The following RNF19B variants were observed in gnomAD, a reference collection of about 807,000 sequenced individuals.
RNF19B encodes the protein ring finger protein 19B, also known as E3 ubiquitin-protein ligase RNF19B.
In RNF19B, 23 loss-of-function variants were observed where a neutral mutation model predicts 65.5. That is an observed-to-expected ratio of 0.35 (90% CI 0.25 to 0.50). RNF19B has a LOEUF of 0.50. RNF19B is among the 20% of genes least tolerant of loss of function. The pLI, the probability that RNF19B is intolerant of heterozygous loss-of-function variation, is 0.98. For synonymous variants in RNF19B, 372 were observed against 379.6 expected, an observed-to-expected ratio of 0.98 and a Z score of 0.23; for missense variants, 794 against 980.0, an observed-to-expected ratio of 0.81 and a Z score of 2.53.
intron 8 of RNF19B, among the ~76,000 whole-genome samples, chr1:32,938,149 A>G (rs1444634759): frequency 6.6e-6 from 1 of 150,854 alleles, no homozygotes; most frequent in Non-Finnish European, 1.5e-5. Flanking sequence ...ACAAAAAAAA[A>G]AAAAAAAAAA....
At position 32,938,524 on chromosome 1, in the gene RNF19B, C is replaced by T. The variant is rs1039220479; in HGVS notation, c.1615G>A (p.Glu539Lys). 1.2e-6 allele frequency: 2 copies of T among 1,613,990 alleles called. No individual in the cohort carries two copies. The highest frequency in any genetic ancestry group is 1.7e-5 in the Admixed American group (1 of 59,992). Residue 539 changes from glutamate to lysine, a missense_variant, in exon 8 of 9, where the codon GAA becomes AAA. By Grantham distance (56) the Glu-to-Lys change is moderately conservative (BLOSUM62 1). Coordinates refer to ENST00000235150, the MANE Select transcript of RNF19B (RefSeq NM_001300826.2). ...TCCTTTTGGACATCGGCTTGAACTT[C>T]TAACCTGTGTAAAGAGGGGACGTTC... is the stretch of plus-strand genomic sequence containing the variant. ...SSGKGKYSRL[E>K]VQADVQKEIF...
At chr1:32,946,619 A>C (rs1247681802) in intron 3 of RNF19B, 55 bp from the exon 4 acceptor site, 1 of 1,508,836 alleles carries the variant, frequency 6.6e-7, no homozygotes, top group East Asian at 2.3e-5. Flanking sequence ...AGCTAGTATT[A>C]TCATAGGGCT....
downstream of RNF19B, among the ~76,000 whole-genome samples, chr1:32,931,857 A>C (rs1044530772): frequency 4.6e-5 from 7 of 152,234 alleles, no homozygotes; most frequent in African/African-American, 1.7e-4. Flanking sequence ...TCTCCAAAAG[A>C]CATTTCATTT....
At chr1:32,951,731 A>G (rs1271414438) in intron 1 of RNF19B, among the ~76,000 whole-genome samples, 1 of 152,092 alleles carries the variant, frequency 6.6e-6, no homozygotes, top group Non-Finnish European at 1.5e-5. Context: ...ATCCAAGAAT[A>G]CCAGGCCTCT....
Position 32,948,811 on chromosome 1 carries a change from T to C in RNF19B, c.842-448A>G, listed in dbSNP as rs187899047. 1.2e-4 allele frequency among the ~76,000 whole-genome samples: 19 copies of C among 152,360 alleles called. 1 individual carries two copies. The East Asian group carries it at 2.9e-3, about 23-fold the overall frequency. On this transcript the variant is annotated intron_variant, in intron 2 of 8. Coordinates refer to ENST00000235150, the MANE Select transcript of RNF19B (RefSeq NM_001300826.2). ...AGGTTCAACATGTATCATTGTGATT[T>C]GCTGTTAACATAGCCCACAATCCCT... is the stretch of plus-strand genomic sequence containing the variant.
intron 1 of RNF19B, among the ~76,000 whole-genome samples, chr1:32,952,163 G>A (rs1261727761): frequency 1.3e-5 from 2 of 151,656 alleles, no homozygotes; most frequent in Non-Finnish European, 2.9e-5. Context: ...ATTTCTTGTA[G>A]TTCATGTTCA....
In RNF19B at chr1:32,945,593, T is replaced by G. The variant is rs200921038; in HGVS notation, c.1182A>C (p.Lys394Asn). The G allele has an allele frequency of 8.2e-5, 133 of 1,613,640 alleles. No individual in the cohort carries two copies. The highest frequency in any genetic ancestry group is 9.7e-5 in the Non-Finnish European group (115 of 1,179,682). The change falls in exon 5 of 9, where the codon AAA becomes AAC. Residue 394 changes from lysine (K) to asparagine (N), a missense_variant. Physicochemically the swap from Lys to Asn is moderately conservative, Grantham distance 94. This residue lies in a region of RNF19B where 368 missense variants were observed against 447.3 expected (regional missense o/e 0.82). Transcript: ENST00000235150. ...CAGTGATAGCCAAATTCCTCTTGTG[T>G]TTGGAGGTTTTCCTTCCCTCATACC... ...HSRYEGRKTS[K>N]HKRNLAITGG...
At chr1:32,935,449 T>C (rs1642081936), downstream of RNF19B, among the ~76,000 whole-genome samples, 1 of 152,044 alleles carries the variant, frequency 6.6e-6, no homozygotes, top group South Asian at 2.1e-4. Context: ...AGGACATTAT[T>C]TTACACAGAG....
chr1:32,964,426 T>G lies in RNF19B; in HGVS notation c.260A>C (p.Glu87Ala). The G allele has an allele frequency of 8.4e-7, 1 of 1,191,782 alleles. No individual in the cohort carries two copies. The highest frequency in any genetic ancestry group is 1.0e-6 in the Non-Finnish European group (1 of 965,846). The allele number at this position is 1,191,782 out of a possible 1,614,324, so 73.8% of individuals were successfully genotyped here. The change falls in exon 1 of 9, where the codon GAG (glutamate) becomes GCG (alanine). Residue 87 changes from glutamate (E) to alanine (A), a missense_variant. Around this residue, in one of 3 missense-constraint regions of RNF19B, gnomAD observed 374 missense variants for 423.8 expected, o/e 0.88. Transcript: ENST00000235150. This position sits in a 1 kb window ranked among gnomAD's most constrained non-coding sequence, Gnocchi z 6.5. Reference sequence around the variant, plus strand: ...CGCCGCCGCGGCCTCCGCCTCGGCCTCGGCGGCCGGCTCGGCGGGCAGCGC... The same window carrying G: ...CGCCGCCGCGGCCTCCGCCTCGGCCGCGGCGGCCGGCTCGGCGGGCAGCGC... ...PEALPAEPAA[E>A]AEAEAAAAAA...
chr1:32,939,802 A>C (rs1418168955), intron 7 of RNF19B, among the ~76,000 whole-genome samples: 2 of 152,204 alleles, frequency 1.3e-5, no homozygotes, highest in African/African-American at 4.8e-5. Context: ...CTATAAAATA[A>C]AGGCTTTCAC....
intron 1 of RNF19B, among the ~76,000 whole-genome samples, chr1:32,955,527 C>T (rs1222591776): frequency 2.3e-4 from 35 of 150,896 alleles, no homozygotes; most frequent in Admixed American, 2.1e-3. Flanking sequence ...CTCAGGAGTT[C>T]GAGACCAGTC....
chr1:32,950,022 T>G (rs194646), intron 1 of RNF19B, among the ~76,000 whole-genome samples: 1 of 151,690 alleles, frequency 6.6e-6, no homozygotes, highest in Non-Finnish European at 1.5e-5. Flanking sequence ...GATTGTGGAG[T>G]GCAGTGGTGT....
At chr1:32,941,539 C>CAAAAA (rs200456820) in intron 7 of RNF19B, among the ~76,000 whole-genome samples, 1 of 136,822 alleles carries the variant, frequency 7.3e-6, no homozygotes, top group Non-Finnish European at 1.7e-5. Flanking sequence ...GACTCCGTCT[C>CAAAAA]AAAAAAATAA....
At chr1:32,943,935 T>C in intron 6 of RNF19B, 84 bp downstream of exon 6, 4 of 1,341,702 alleles carry the variant, frequency 3.0e-6, no homozygotes, top group Non-Finnish European at 4.1e-6. Context: ...CCAATGACAA[T>C]CTCCCTGTAA....
At chr1:32,959,269 G>A (rs1268630644) in intron 1 of RNF19B, among the ~76,000 whole-genome samples, 1 of 152,156 alleles carries the variant, frequency 6.6e-6, no homozygotes, top group African/African-American at 2.4e-5. Context: ...AAAGAATTTA[G>A]GTCAAGACAG....
At chr1:32,945,256 A>G (rs573914951) in intron 5 of RNF19B, among the ~76,000 whole-genome samples, 2 of 152,326 alleles carry the variant, frequency 1.3e-5, no homozygotes, top group East Asian at 3.9e-4. Flanking sequence ...AGGGCTTAAA[A>G]TAAGTTTCTG....
chr1:32,956,752 A>C (rs1265948746), intron 1 of RNF19B, among the ~76,000 whole-genome samples: 1 of 152,104 alleles, frequency 6.6e-6, no homozygotes, highest in African/African-American at 2.4e-5. Flanking sequence ...AGAGATTTCC[A>C]TTAGTATAAA....
intron 8 of RNF19B, among the ~76,000 whole-genome samples, chr1:32,937,903 A>C (rs1050223690): frequency 6.6e-6 from 1 of 152,068 alleles, no homozygotes; most frequent in African/African-American, 2.4e-5. Flanking sequence ...AAAATAGAAA[A>C]GTAAAAGCTT....
intron 1 of RNF19B, among the ~76,000 whole-genome samples, chr1:32,951,804 T>C (rs1642505655): frequency 6.7e-6 from 1 of 148,260 alleles, no homozygotes; most frequent in Non-Finnish European, 1.5e-5. Context: ...CACATATTCT[T>C]TTTTTTTTTT....
Sources: gnomAD v4.1 joint callset for allele counts (sites outside exome capture counted in the v4.1 genomes callset) on GRCh38, gnomAD v4.1.1 for gene constraint, gnomAD v4.1.1 regional missense constraint, Gnocchi (gnomAD v3.1) non-coding constraint, MANE v1.5 for transcripts, NCBI Gene and HGNC (gene_info 2026-07-23, HGNC 2026-07-21) for gene names.